GAS7: variants seen among roughly 807,000 people sequenced by gnomAD.
The protein encoded by GAS7 is growth arrest-specific protein 7.
Under a neutral mutation model 71.1 loss-of-function variants are expected in GAS7, and 28 were observed. The ratio of observed to expected loss-of-function variants is 0.39; its 90% CI spans 0.29 to 0.54. The LOEUF (loss-of-function observed/expected upper bound fraction) is 0.54. Ranked by LOEUF, GAS7 falls within the 20% of genes least tolerant of loss-of-function variation. The pLI is 0.62. For missense variants in GAS7, 436 were observed against 627.8 expected, an observed-to-expected ratio of 0.69 and a Z score of 3.27; for synonymous variants, 258 against 245.8, an observed-to-expected ratio of 1.05 and a Z score of -0.46.
chr17:10,169,295 A>G (rs1179400070), intron 1 of GAS7, among the ~76,000 whole-genome samples: 1 of 152,204 alleles, frequency 6.6e-6, no homozygotes, highest in Non-Finnish European at 1.5e-5. Flanking sequence ...ATAATTTTAA[A>G]AGTTCACATT....
At position 10,038,381 on chromosome 17, in the gene GAS7, CA is replaced by C. The variant is rs750557312; in HGVS notation, c.184-18485del. 1.3e-4 allele frequency among the ~76,000 whole-genome samples: 20 copies of C among 152,204 alleles called. 1 individual carries two copies. Among genetic ancestry groups the C allele is most frequent in the African/African-American group, 2.6e-4 (11 of 41,534 alleles). On this transcript the variant is annotated intron_variant, in intron 1 of 13. Transcript: ENST00000432992. ...AACAAATAAACAAATATCAACAAAA[CA>C]GAAAAGAACAGGTACTAGTAAGGAT...
intron 1 of GAS7, among the ~76,000 whole-genome samples, chr17:10,152,149 A>G (rs1387462059): frequency 6.6e-6 from 1 of 152,114 alleles, no homozygotes; most frequent in Non-Finnish European, 1.5e-5. Flanking sequence ...CCAACTAGAG[A>G]GCCACTGGTA....
intron 1 of GAS7, among the ~76,000 whole-genome samples, chr17:10,143,494 A>G (rs2074099350): frequency 6.6e-6 from 1 of 151,920 alleles, no homozygotes; most frequent in Non-Finnish European, 1.5e-5. Context: ...GTGAGCCGAG[A>G]TCATGCCATT....
At chr17:10,125,343 C>A (rs920369762) in intron 1 of GAS7, among the ~76,000 whole-genome samples, 20 of 151,796 alleles carry the variant, frequency 1.3e-4, no homozygotes, top group Non-Finnish European at 2.8e-4. Flanking sequence ...CATGGTGAAA[C>A]CCCATCTCTA....
chr17:9,996,593 A>ATGTG (rs10598229), intron 2 of GAS7, among the ~76,000 whole-genome samples: 13 of 146,874 alleles, frequency 8.9e-5, no homozygotes, highest in African/African-American at 3.0e-4. Context: ...CTATATATAT[A>ATGTG]TGTGTGTGTG....
intron 1 of GAS7, among the ~76,000 whole-genome samples, chr17:10,023,816 G>A (rs1040651355): frequency 1.3e-5 from 2 of 152,102 alleles, no homozygotes; most frequent in African/African-American, 4.8e-5. Flanking sequence ...CATGTGTATT[G>A]TACCACAATT....
rs977896520 is a variant in GAS7, at chr17:9,911,926, G to A, written c.*5302C>T. On this transcript the variant is annotated 3_prime_UTR_variant, in exon 14 of 14. Coordinates refer to ENST00000432992, the MANE Select transcript of GAS7 (RefSeq NM_201433.2). The surrounding 1 kb of genome is among the most constrained non-coding windows in gnomAD (Gnocchi z 4.0). ...CACTCAGCCTGGTCTGGCCTTAACTGGGTGTGGTCCTGTCCCTGCCACCAT... is the reference window on the plus strand; with the variant it reads ...CACTCAGCCTGGTCTGGCCTTAACTAGGTGTGGTCCTGTCCCTGCCACCAT... The A allele has an allele frequency of 4.3e-6, 1 of 232,004 alleles. No individual in the cohort carries two copies. Among genetic ancestry groups the A allele is most frequent in the African/African-American group, 2.2e-5 (1 of 45,250 alleles). The allele number at this position is 232,004 out of a possible 1,614,324, so 14.4% of individuals were successfully genotyped here.
At position 10,078,335 on chromosome 17, in the gene GAS7, A is replaced by G. The variant is rs538700234; in HGVS notation, c.184-58438T>C. On this transcript the variant is annotated intron_variant, in intron 1 of 13. Coordinates refer to ENST00000432992, the MANE Select transcript of GAS7 (RefSeq NM_201433.2). ...TCAAACTCCTGGGCTCAAGAGATCA[A>G]CCTGCCTCAGCCTCCCAAAGTGGTG... Among the ~76,000 whole-genome samples, 3 of 152,272 alleles carry G rather than the reference A, an allele frequency of 2.0e-5. No individual in the cohort carries two copies. In the South Asian group the frequency reaches 6.2e-4, roughly 32 times the overall value.
chr17:9,953,694 G>A (rs2069109713), intron 5 of GAS7, among the ~76,000 whole-genome samples: 1 of 152,266 alleles, frequency 6.6e-6, no homozygotes, highest in Admixed American at 6.5e-5. Context: ...AGGCTGCTCA[G>A]TGCCACGTGC....
At chr17:10,097,216 C>T (rs2073650201) in intron 1 of GAS7, among the ~76,000 whole-genome samples, 1 of 152,212 alleles carries the variant, frequency 6.6e-6, no homozygotes, top group African/African-American at 2.4e-5. Flanking sequence ...TACTACAGTT[C>T]CCTGCTTAAA....
chr17:10,066,504 TG>T (rs1165075204), intron 1 of GAS7, among the ~76,000 whole-genome samples: 1 of 152,132 alleles, frequency 6.6e-6, no homozygotes, highest in Non-Finnish European at 1.5e-5. Context: ...TTTTTTGTTT[TG>T]TTTTTTGTTT....
In GAS7 at chr17:9,919,723, T is replaced by G. The variant is rs757681986; in HGVS notation, c.1139-18A>C. ...GTCGTCTCCTGGAAAAAGACCACAG[T>G]CACCATCATGAAGCATCCTATCCTC... On this transcript the variant is annotated intron_variant, in intron 11 of 13. Coordinates refer to ENST00000432992, the MANE Select transcript of GAS7 (RefSeq NM_201433.2). The surrounding 1 kb of genome is among the most constrained non-coding windows in gnomAD (Gnocchi z 5.0). The G allele has an allele frequency of 6.3e-7, 1 of 1,583,576 alleles. No individual in the cohort carries two copies. Among genetic ancestry groups the G allele is most frequent in the African/African-American group, 1.3e-5 (1 of 74,214 alleles).
rs1420345991 is a variant in GAS7 at position 9,969,096 on chromosome 17, T to C, written c.471+581A>G. On this transcript the variant is annotated intron_variant, in intron 4 of 13. Coordinates refer to ENST00000432992, the MANE Select transcript of GAS7 (RefSeq NM_201433.2). The surrounding 1 kb of genome is among the most constrained non-coding windows in gnomAD (Gnocchi z 5.5). ...GAGCCTGCACAGGTCACAAAACCAGTTGGAGCCTCGGTGACCTCATGCATA... is the reference window on the plus strand; with the variant it reads ...GAGCCTGCACAGGTCACAAAACCAGCTGGAGCCTCGGTGACCTCATGCATA... Among the ~76,000 whole-genome samples, 1 of 152,152 alleles carries C rather than the reference T, an allele frequency of 6.6e-6. No homozygotes were observed. The highest frequency in any genetic ancestry group is 1.9e-4 in the East Asian group (1 of 5,188).
In GAS7 at chr17:10,055,913, T is replaced by C. The variant is rs528325567; in HGVS notation, c.184-36016A>G. ...TCTCCATTTTTAGAATCTCTTTTTT[T>C]AACTCCATCTCAATCAACAACCCCT... On this transcript the variant is annotated intron_variant, in intron 1 of 13. Coordinates refer to ENST00000432992, the MANE Select transcript of GAS7 (RefSeq NM_201433.2). 4.6e-5 allele frequency among the ~76,000 whole-genome samples: 7 copies of C among 152,300 alleles called. No individual in the cohort carries two copies. The East Asian group carries it at 9.6e-4, about 21-fold the overall frequency.
chr17:10,196,381 C>T (rs2074540781), intron 1 of GAS7, among the ~76,000 whole-genome samples: 1 of 152,216 alleles, frequency 6.6e-6, no homozygotes. Flanking sequence ...CGTGCACACA[C>T]TGTGCCAAGC....
intron 2 of GAS7, among the ~76,000 whole-genome samples, chr17:9,989,032 G>A (rs1319695906): frequency 1.3e-5 from 2 of 152,012 alleles, no homozygotes; most frequent in South Asian, 2.1e-4. Context: ...TGTATTTTTA[G>A]TAGAGACAGG....
intron 1 of GAS7, among the ~76,000 whole-genome samples, chr17:10,163,933 C>T (rs932125365): frequency 1.3e-5 from 2 of 152,216 alleles, no homozygotes; most frequent in Non-Finnish European, 2.9e-5. Context: ...CACTTATTAG[C>T]ACACTGTCTG....
rs893644642 is a variant in GAS7, at chr17:10,103,477, G to A, written c.184-83580C>T. ...ACTGTTTTCCATTTTCCAAAACAACGATTTCATTTCTCAGATGATGGGAAA... is the reference window on the plus strand; with the variant it reads ...ACTGTTTTCCATTTTCCAAAACAACAATTTCATTTCTCAGATGATGGGAAA... On this transcript the variant is annotated intron_variant, in intron 1 of 13. Transcript: ENST00000432992. The surrounding 1 kb of genome is among the most constrained non-coding windows in gnomAD (Gnocchi z 5.5). 4.6e-5 allele frequency among the ~76,000 whole-genome samples: 7 copies of A among 152,022 alleles called. No homozygotes were observed. Among genetic ancestry groups the A allele is most frequent in the Admixed American group, 1.3e-4 (2 of 15,258 alleles).
chr17:9,929,489 T>A (rs139496199), intron 9 of GAS7, among the ~76,000 whole-genome samples: 172 of 152,306 alleles, frequency 1.1e-3, no homozygotes, highest in African/African-American at 4.0e-3. Flanking sequence ...TTATTTATTT[T>A]TTTGAGACGG....
Sources: gnomAD v4.1 joint callset for allele counts (sites outside exome capture counted in the v4.1 genomes callset) on GRCh38, gnomAD v4.1.1 for gene constraint, Gnocchi (gnomAD v3.1) non-coding constraint, MANE v1.5 for transcripts, NCBI Gene and HGNC (gene_info 2026-07-23, HGNC 2026-07-21) for gene names.